P2RY14: variants seen among roughly 807,000 people sequenced by gnomAD.
P2RY14 encodes P2Y purinoceptor 14.
A neutral mutation model predicts 0.9 loss-of-function variants in P2RY14; 2 were observed. That is an observed-to-expected ratio of 2.16 (90% CI 0.88 to 6.79). The LOEUF (loss-of-function observed/expected upper bound fraction) is 6.79. Among genes scored for constraint, P2RY14 ranks in the 30% most tolerant of loss-of-function variants. The pLI, the probability that P2RY14 is intolerant of heterozygous loss-of-function variation, is 0.05. For missense variants in P2RY14, 378 were observed against 400.1 expected (o/e 0.94, Z 0.47); for synonymous variants, 158 against 147.2 (o/e 1.07, Z -0.53).
At chr3:151,250,659 T>C (rs1736677704) in intron 1 of P2RY14, among the ~76,000 whole-genome samples, 1 of 152,236 alleles carries the variant, frequency 6.6e-6, no homozygotes, top group African/African-American at 2.4e-5. Context: ...ACATTTTGTT[T>C]ATTCATCTGT....
chr3:151,217,200 C>G (rs58321514), intron 2 of P2RY14, among the ~76,000 whole-genome samples: 7,005 of 152,236 alleles, frequency 0.046, 496 homozygotes, highest in African/African-American at 0.15. Context: ...GTAGAAGCCA[C>G]TATTTATAGA....
In P2RY14 at chr3:151,213,201, A is replaced by G; in HGVS notation, c.*99T>C. ...ACTAAATTGGATGGCAGTGCTAGAG[A>G]TGATATTTATGATGAGGGCACATAT... is the stretch of plus-strand genomic sequence containing the variant. On this transcript the variant is annotated 3_prime_UTR_variant, in exon 3 of 3. Coordinates refer to ENST00000309170, the MANE Select transcript of P2RY14 (RefSeq NM_014879.4). 1 of 898,748 alleles carries G rather than the reference A, an allele frequency of 1.1e-6. No individual in the cohort carries two copies. The highest frequency in any genetic ancestry group is 1.7e-6 in the Non-Finnish European group (1 of 584,050). The allele number at this position is 898,748 out of a possible 1,614,324, so 55.7% of individuals were successfully genotyped here.
chr3:151,215,506 AATTAC>A (rs1379132781), intron 2 of P2RY14, among the ~76,000 whole-genome samples: 70 of 152,318 alleles, frequency 4.6e-4, no homozygotes, highest in Middle Eastern at 3.4e-3. Context: ...GGAAATTTTA[AATTAC>A]ATATGTGTTT....
chr3:151,230,187 G>T (rs548558408), intron 1 of P2RY14, among the ~76,000 whole-genome samples: 30 of 151,998 alleles, frequency 2.0e-4, no homozygotes, highest in African/African-American at 7.2e-4. Flanking sequence ...TGTTAGCCAG[G>T]ATTGTCTTGA....
chr3:151,251,272 A>C (rs1736798824), intron 1 of P2RY14, among the ~76,000 whole-genome samples: 1 of 151,938 alleles, frequency 6.6e-6, no homozygotes, highest in Admixed American at 6.6e-5. Flanking sequence ...CTTCCTACTC[A>C]ATGTGTCTCT....
At chr3:151,270,235 G>GTGTGTGTA (rs1740665232) in intron 1 of P2RY14, 1 of 155,026 alleles carries the variant, frequency 6.5e-6, no homozygotes, top group African/African-American at 2.5e-5. Flanking sequence ...GTGTGTGTGT[G>GTGTGTGTA]TGTGTGTTTT....
At chr3:151,260,996 G>T (rs1319510282) in intron 1 of P2RY14, among the ~76,000 whole-genome samples, 2 of 152,066 alleles carry the variant, frequency 1.3e-5, no homozygotes, top group East Asian at 3.9e-4. Flanking sequence ...CTTTGGTTCT[G>T]TGTGTTGCAG....
intron 1 of P2RY14, among the ~76,000 whole-genome samples, chr3:151,231,044 A>G (rs1171266104): frequency 1.3e-5 from 2 of 152,262 alleles, no homozygotes; most frequent in Admixed American, 1.3e-4. Context: ...GGGCACTCCT[A>G]GATCTGGGAC....
intron 2 of P2RY14, among the ~76,000 whole-genome samples, chr3:151,217,003 G>A (rs763746897): frequency 7.2e-5 from 11 of 152,130 alleles, no homozygotes; most frequent in Non-Finnish European, 1.3e-4. Flanking sequence ...GGCCATTGTG[G>A]TGTCATACTC....
At chr3:151,228,945 T>A (rs1484679523) in intron 1 of P2RY14, among the ~76,000 whole-genome samples, 1 of 152,188 alleles carries the variant, frequency 6.6e-6, no homozygotes, top group African/African-American at 2.4e-5. Flanking sequence ...TATTTGCATT[T>A]CTCAGGCAAG....
chr3:151,232,205 C>T (rs994822331), intron 1 of P2RY14, among the ~76,000 whole-genome samples: 4 of 152,144 alleles, frequency 2.6e-5, no homozygotes, highest in African/African-American at 9.7e-5. Flanking sequence ...TTTCTATATA[C>T]TCCTCTATGC....
intron 1 of P2RY14, among the ~76,000 whole-genome samples, chr3:151,221,125 A>C (rs1391559255): frequency 6.6e-6 from 1 of 152,154 alleles, no homozygotes; most frequent in Non-Finnish European, 1.5e-5. Flanking sequence ...TTTTGCCCCT[A>C]CCCTAGAGAT....
intron 1 of P2RY14, among the ~76,000 whole-genome samples, chr3:151,264,165 T>C (rs1277893450): frequency 6.6e-6 from 1 of 152,242 alleles, no homozygotes; most frequent in Non-Finnish European, 1.5e-5. Flanking sequence ...AAGATCTCTG[T>C]ACTTGTATTT....
chr3:151,226,896 G>A (rs529112675), intron 1 of P2RY14, among the ~76,000 whole-genome samples: 2 of 152,170 alleles, frequency 1.3e-5, no homozygotes, highest in Non-Finnish European at 2.9e-5. Context: ...AACAGGTAAC[G>A]TTAACCTATA....
At chr3:151,242,520 A>T (rs1238211694) in intron 1 of P2RY14, among the ~76,000 whole-genome samples, 11 of 152,104 alleles carry the variant, frequency 7.2e-5, no homozygotes, top group Admixed American at 2.6e-4. Flanking sequence ...GACACCTCAC[A>T]CAGCAGGGTA....
At chr3:151,254,785 C>T (rs961777920) in intron 1 of P2RY14, among the ~76,000 whole-genome samples, 1 of 152,130 alleles carries the variant, frequency 6.6e-6, no homozygotes, top group African/African-American at 2.4e-5. Context: ...TACATTTCAC[C>T]GGAGAGACCT....
chr3:151,258,719 GTGCA>G, intron 1 of P2RY14, among the ~76,000 whole-genome samples: 1 of 152,108 alleles, frequency 6.6e-6, no homozygotes, highest in East Asian at 1.9e-4. Context: ...AGGTGTGGTG[GTGCA>G]TGCCTGTAGT....
intron 1 of P2RY14, among the ~76,000 whole-genome samples, chr3:151,261,767 C>T (rs1223816230): frequency 6.6e-6 from 1 of 152,048 alleles, no homozygotes; most frequent in African/African-American, 2.4e-5. Context: ...CTGTGTCATC[C>T]AGGCCACAGT....
chr3:151,244,648 G>A (rs1734961043), intron 1 of P2RY14, among the ~76,000 whole-genome samples: 2 of 150,704 alleles, frequency 1.3e-5, no homozygotes, highest in South Asian at 2.1e-4. Context: ...AGCACTAAAT[G>A]CCCACAAGAG....
Sources: allele counts gnomAD v4.1 joint callset (sites outside exome capture counted in the v4.1 genomes callset), GRCh38; gene constraint gnomAD v4.1.1; transcripts MANE v1.5; gene names NCBI Gene and HGNC (gene_info 2026-07-23, HGNC 2026-07-21).